Variants in CNTNAP4 observed in about 807,000 individuals in gnomAD.
CNTNAP4 encodes contactin associated protein family member 4, also known as contactin-associated protein-like 4.
Under a neutral mutation model 148.4 loss-of-function variants are expected in CNTNAP4, and 98 were observed. The ratio of observed to expected loss-of-function variants is 0.66; its 90% CI spans 0.56 to 0.78. CNTNAP4 has a LOEUF of 0.78. Among genes scored for constraint, CNTNAP4 ranks in the 30% least tolerant of loss-of-function variants. The pLI, the probability that CNTNAP4 is intolerant of heterozygous loss-of-function variation, is 0.00. For missense variants in CNTNAP4, 1,935 were observed against 1,565.6 expected (o/e 1.24, Z -3.98); for synonymous variants, 730 against 565.1 (o/e 1.29, Z -4.14).
intron 12 of CNTNAP4, among the ~76,000 whole-genome samples, chr16:76,482,545 T>C (rs145424553): frequency 9.2e-5 from 14 of 152,252 alleles, no homozygotes; most frequent in Admixed American, 9.2e-4. Context: ...TGTTTAGTTC[T>C]AAAAACTGCA....
Position 76,454,449 on chromosome 16 carries a change from T to TA in CNTNAP4, c.1333+1682dup, listed in dbSNP as rs2080644215. Among the ~76,000 whole-genome samples the TA allele has an allele frequency of 1.3e-5, 2 of 152,220 alleles. 1 individual carries two copies. Among genetic ancestry groups the TA allele is most frequent in the African/African-American group, 4.8e-5 (2 of 41,458 alleles). On this transcript the variant is annotated intron_variant, in intron 8 of 23. Transcript: ENST00000611870. ...CTAAATGAATGTTTAAATTCATGTA[T>TA]AATATAATCTGTTATGACATCATCT...
At position 76,366,931 on chromosome 16, in the gene CNTNAP4, A is replaced by T. The variant is rs551259690; in HGVS notation, c.390+11420A>T. Among the ~76,000 whole-genome samples, 68 of 152,258 alleles carry T rather than the reference A, an allele frequency of 4.5e-4. 1 individual carries two copies. In the South Asian group the frequency reaches 0.012, roughly 26 times the overall value. The stretch of plus-strand genomic sequence containing the variant: ...TATAAAGCTATTCATTCTCCCTAAA[A>T]TCATCCATATAAATGAGATCATTCT... On this transcript the variant is annotated intron_variant, in intron 3 of 23. Transcript: ENST00000611870.
At chr16:76,527,144 T>C (rs1254161790) in intron 17 of CNTNAP4, among the ~76,000 whole-genome samples, 1 of 152,152 alleles carries the variant, frequency 6.6e-6, no homozygotes. Context: ...AGAGAAAATA[T>C]TTAATCTTCT....
intron 3 of CNTNAP4, among the ~76,000 whole-genome samples, chr16:76,396,194 T>TA (rs1567991799): frequency 6.6e-6 from 1 of 152,210 alleles, no homozygotes; most frequent in South Asian, 2.1e-4. Context: ...TTTATATAGC[T>TA]AAAAAAGTCA....
chr16:76,354,276 T>A (rs1370929060), intron 2 of CNTNAP4, among the ~76,000 whole-genome samples: 3 of 152,342 alleles, frequency 2.0e-5, no homozygotes, highest in African/African-American at 7.2e-5. Context: ...CAAATTATTA[T>A]ATTAAACTGG....
At chr16:76,316,080 G>T in intron 1 of CNTNAP4, 1 of 386,908 alleles carries the variant, frequency 2.6e-6, no homozygotes, top group Non-Finnish European at 4.5e-6. Flanking sequence ...TTTCTTTACA[G>T]TGTCTTTTGG....
chr16:76,456,230 G>C (rs1414604203), intron 8 of CNTNAP4, among the ~76,000 whole-genome samples: 7 of 152,226 alleles, frequency 4.6e-5, no homozygotes, highest in African/African-American at 7.2e-5. Flanking sequence ...ACGGTTGTCT[G>C]AAGACAAAGT....
chr16:76,460,819 G>C (rs2080932349), intron 8 of CNTNAP4, among the ~76,000 whole-genome samples: 1 of 126,030 alleles, frequency 7.9e-6, no homozygotes, highest in Non-Finnish European at 1.6e-5. Flanking sequence ...TAAATATATA[G>C]AGAGTTTATT....
intron 8 of CNTNAP4, among the ~76,000 whole-genome samples, chr16:76,460,773 A>AAAATAT: frequency 3.5e-5 from 2 of 57,324 alleles, no homozygotes; most frequent in African/African-American, 1.3e-4. Flanking sequence ...AAAAAAAAAA[A>AAAATAT]ATATATATAT....
chr16:76,516,012 T>G (rs1213709143), intron 15 of CNTNAP4, among the ~76,000 whole-genome samples: 1 of 152,176 alleles, frequency 6.6e-6, no homozygotes, highest in African/African-American at 2.4e-5. Context: ...GCCACAGGCG[T>G]TGGCTGCACC....
Position 76,452,600 on chromosome 16 carries a change from AGAG to A in CNTNAP4, c.1172_1174del (p.Glu391del), listed in dbSNP as rs765026284. On this transcript the variant is annotated inframe_deletion, in exon 8 of 24. Coordinates refer to ENST00000611870, the MANE Select transcript of CNTNAP4 (RefSeq NM_033401.5). ...ATTTAGCACTGCCAGACTTCTCTGG[AGAG>A]GAGGAGGTTTCTGCCACTTTTCAAT... is the stretch of plus-strand genomic sequence containing the variant. 6.2e-7 allele frequency: 1 copy of A among 1,613,920 alleles called. No homozygotes were observed. The highest frequency in any genetic ancestry group is 1.1e-5 in the South Asian group (1 of 91,084).
chr16:76,443,453 C>A (rs563493650), intron 4 of CNTNAP4, among the ~76,000 whole-genome samples: 83 of 152,192 alleles, frequency 5.5e-4, no homozygotes, highest in African/African-American at 1.9e-3. Flanking sequence ...GACATGGTGG[C>A]AAATTCCTGT....
At chr16:76,483,255 CACACA>C (rs1450875250) in intron 12 of CNTNAP4, among the ~76,000 whole-genome samples, 1 of 151,562 alleles carries the variant, frequency 6.6e-6, no homozygotes, top group African/African-American at 2.4e-5. Context: ...CACACACACA[CACACA>C]CACACACACA....
chr16:76,316,656 A>G (rs1961791064), intron 2 of CNTNAP4, 133 bp downstream of exon 2: 3 of 651,762 alleles, frequency 4.6e-6, no homozygotes, highest in Non-Finnish European at 8.2e-6. Context: ...GTTAAAACTC[A>G]TGAGATGTAT....
intron 2 of CNTNAP4, among the ~76,000 whole-genome samples, chr16:76,342,307 A>C (rs959411804): frequency 1.3e-5 from 2 of 152,154 alleles, no homozygotes; most frequent in African/African-American, 4.8e-5. Flanking sequence ...CACAAAGGGC[A>C]ATTATATAAC....
chr16:76,407,855 A>G (rs912023863), intron 3 of CNTNAP4, among the ~76,000 whole-genome samples: 2 of 152,110 alleles, frequency 1.3e-5, no homozygotes, highest in Non-Finnish European at 2.9e-5. Flanking sequence ...TGAAATATCA[A>G]ATGGCATCAC....
At chr16:76,414,877 A>G (rs1163133839) in intron 3 of CNTNAP4, among the ~76,000 whole-genome samples, 1 of 151,204 alleles carries the variant, frequency 6.6e-6, no homozygotes, top group Admixed American at 6.6e-5. Flanking sequence ...TTGTTTATTC[A>G]TGTCTCCTAT....
Position 76,448,733 on chromosome 16 carries a change from A to C in CNTNAP4, c.743-34A>C, listed in dbSNP as rs774016891. On this transcript the variant is annotated intron_variant, in intron 5 of 23. Transcript: ENST00000611870. Reference sequence around the variant, plus strand: ...CTTTTTTTTTTTTCTTTAGACTGGCAATAATGGTGCTGTTATTTTTCTCCT... The same window carrying C: ...CTTTTTTTTTTTTCTTTAGACTGGCCATAATGGTGCTGTTATTTTTCTCCT... 1.1e-5 allele frequency: 17 copies of C among 1,495,492 alleles called. No individual in the cohort carries two copies. In the South Asian group the frequency reaches 2.2e-4, roughly 20 times the overall value. The allele number at this position is 1,495,492 out of a possible 1,614,324, so 92.6% of individuals were successfully genotyped here. A position where few individuals can be genotyped will look rare whatever the true frequency, so the allele number is the denominator to read the frequency against.
intron 3 of CNTNAP4, among the ~76,000 whole-genome samples, chr16:76,421,075 C>G (rs4243120): frequency 6.6e-6 from 1 of 151,682 alleles, no homozygotes; most frequent in Non-Finnish European, 1.5e-5. Flanking sequence ...TGCATCTTTC[C>G]TGTGCTTTTT....
Sources: gnomAD v4.1 joint callset for allele counts (sites outside exome capture counted in the v4.1 genomes callset) on GRCh38, gnomAD v4.1.1 for gene constraint, MANE v1.5 for transcripts, NCBI Gene and HGNC (gene_info 2026-07-23, HGNC 2026-07-21) for gene names.